ENTPD1: variants seen among roughly 807,000 people sequenced by gnomAD.
The protein encoded by ENTPD1 is ectonucleoside triphosphate diphosphohydrolase 1.
A neutral mutation model predicts 57.0 loss-of-function variants in ENTPD1; 33 were observed. That is an observed-to-expected ratio of 0.58 (90% CI 0.44 to 0.77). The LOEUF is 0.77. Among genes scored for constraint, ENTPD1 ranks in the 30% least tolerant of loss-of-function variants. The pLI, the probability that ENTPD1 is intolerant of heterozygous loss-of-function variation, is 0.00. For missense variants in ENTPD1, 501 were observed against 603.4 expected (o/e 0.83, Z 1.78); for synonymous variants, 202 against 218.8 (o/e 0.92, Z 0.68).
At chr10:95,785,291 C>G (rs986117964) in intron 1 of ENTPD1, 3 of 152,196 alleles carry the variant, frequency 2.0e-5, no homozygotes, top group African/African-American at 7.2e-5. Context: ...TCAGATAAAC[C>G]TACCTTCCAA....
chr10:95,708,967 T>C (rs1203929559), upstream of ENTPD1, among the ~76,000 whole-genome samples: 1 of 152,236 alleles, frequency 6.6e-6, no homozygotes, highest in Non-Finnish European at 1.5e-5. Context: ...AAATTGAGCA[T>C]TTCTTCATTT....
chr10:95,844,407 T>G, intron 4 of ENTPD1, 69 bp from the exon 5 acceptor site: 1 of 1,602,884 alleles, frequency 6.2e-7, no homozygotes, highest in Non-Finnish European at 8.5e-7. Flanking sequence ...GTGGATGCTG[T>G]AGCTGAAATG....
intron 8 of ENTPD1, among the ~76,000 whole-genome samples, chr10:95,863,591 A>C (rs1018604185): frequency 1.3e-5 from 2 of 152,222 alleles, no homozygotes; most frequent in East Asian, 1.9e-4. Flanking sequence ...CATCAGAGCA[A>C]GACAAGGCAG....
chr10:95,733,057 T>C (rs532134959), intron 1 of ENTPD1, among the ~76,000 whole-genome samples: 1 of 152,282 alleles, frequency 6.6e-6, no homozygotes, highest in Non-Finnish European at 1.5e-5. Flanking sequence ...CTCACCGTAA[T>C]AGGCCTGGGA....
Position 95,867,656 on chromosome 10 carries a change from C to T in ENTPD1, c.*1273C>T. 7 of 985,402 alleles carry T rather than the reference C, an allele frequency of 7.1e-6. No individual in the cohort carries two copies. Among genetic ancestry groups the T allele is most frequent in the Non-Finnish European group, 7.2e-6 (6 of 829,950 alleles). The allele number at this position is 985,402 out of a possible 1,614,324, so 61.0% of individuals were successfully genotyped here. On this transcript the variant is annotated 3_prime_UTR_variant, in exon 10 of 10. Coordinates refer to ENST00000371205, the MANE Select transcript of ENTPD1 (RefSeq NM_001776.6). ...GCAGCTATAGACCTTACCATGGAAACATGAAGAGACCCTGCACCCCTTTCC... is the reference window on the plus strand; with the variant it reads ...GCAGCTATAGACCTTACCATGGAAATATGAAGAGACCCTGCACCCCTTTCC...
intron 1 of ENTPD1, among the ~76,000 whole-genome samples, chr10:95,730,770 T>G (rs1261462454): frequency 6.6e-6 from 1 of 152,226 alleles, no homozygotes; most frequent in Non-Finnish European, 1.5e-5. Flanking sequence ...TTTTTAACAG[T>G]GTTGTGTTTA....
At chr10:95,745,667 A>T (rs2098005249) in intron 1 of ENTPD1, among the ~76,000 whole-genome samples, 1 of 152,246 alleles carries the variant, frequency 6.6e-6, no homozygotes, top group Non-Finnish European at 1.5e-5. Context: ...TAGCTAAAAA[A>T]ACTAAGGTAA....
At chr10:95,850,156 T>C (rs2098442429) in intron 7 of ENTPD1, among the ~76,000 whole-genome samples, 1 of 152,192 alleles carries the variant, frequency 6.6e-6, no homozygotes, top group African/African-American at 2.4e-5. Flanking sequence ...GCTTTTCTAT[T>C]TGATCCCTTA....
chr10:95,731,179 G>A (rs527359607), intron 1 of ENTPD1, among the ~76,000 whole-genome samples: 3 of 152,308 alleles, frequency 2.0e-5, no homozygotes, highest in African/African-American at 7.2e-5. Context: ...AATGCCTGAA[G>A]GCTAGTGTGC....
At chr10:95,741,588 A>G (rs1002415358) in intron 1 of ENTPD1, among the ~76,000 whole-genome samples, 1 of 152,210 alleles carries the variant, frequency 6.6e-6, no homozygotes, top group Non-Finnish European at 1.5e-5. Flanking sequence ...AAAAATCGCA[A>G]CGTCTGTGAA....
chr10:95,802,140 A>G (rs1207679335), intron 1 of ENTPD1, among the ~76,000 whole-genome samples: 2 of 152,206 alleles, frequency 1.3e-5, no homozygotes, highest in African/African-American at 4.8e-5. Flanking sequence ...AATCAAATAC[A>G]TTTAAGAAAT....
chr10:95,740,848 T>C (rs569668768), intron 1 of ENTPD1, among the ~76,000 whole-genome samples: 1 of 152,354 alleles, frequency 6.6e-6, no homozygotes, highest in South Asian at 2.1e-4. Flanking sequence ...ACTTTTCTTC[T>C]GCAGCTTTCT....
At chr10:95,727,421 C>T (rs1212104604) in intron 1 of ENTPD1, among the ~76,000 whole-genome samples, 1 of 152,050 alleles carries the variant, frequency 6.6e-6, no homozygotes, top group Non-Finnish European at 1.5e-5. Flanking sequence ...CTAGGAAATC[C>T]CTTTGATAAC....
chr10:95,702,665 AT>A, the ENTPD1 span, among the ~76,000 whole-genome samples: 2 of 152,230 alleles, frequency 1.3e-5, no homozygotes, highest in Non-Finnish European at 2.9e-5. Context: ...CCCAAACAAG[AT>A]AAATTTAAAA....
chr10:95,829,110 T>G (rs1421096031), intron 2 of ENTPD1, among the ~76,000 whole-genome samples: 1 of 152,214 alleles, frequency 6.6e-6, no homozygotes, highest in African/African-American at 2.4e-5. Flanking sequence ...ATCCAAAGAC[T>G]AATGTTCTTT....
At position 95,856,342 on chromosome 10, in the gene ENTPD1, A is replaced by C. The variant is rs565600838; in HGVS notation, c.1075-4127A>C. Among the ~76,000 whole-genome samples the C allele has an allele frequency of 1.4e-4, 21 of 152,280 alleles. No homozygotes were observed. In the South Asian group the frequency reaches 4.4e-3, roughly 32 times the overall value. Reference sequence around the variant, plus strand: ...GGTCATAATTTAAAAATCAAAAAATAATAGATGTTGGCATGGATGTGGTGT... The same window carrying C: ...GGTCATAATTTAAAAATCAAAAAATCATAGATGTTGGCATGGATGTGGTGT... On this transcript the variant is annotated intron_variant, in intron 7 of 9. Transcript: ENST00000371205.
chr10:95,869,982 T>C lies in ENTPD1; in HGVS notation c.*3599T>C. 1.0e-6 allele frequency: 1 copy of C among 985,460 alleles called. No individual in the cohort carries two copies. The highest frequency in any genetic ancestry group is 1.2e-6 in the Non-Finnish European group (1 of 829,928). The allele number at this position is 985,460 out of a possible 1,614,324, so 61.0% of individuals were successfully genotyped here. ...CAAAAAAATACACGTAAAGTTAAAG[T>C]TTAAAAGACACAGGAACTAAGCCCT... On this transcript the variant is annotated 3_prime_UTR_variant, in exon 10 of 10. Coordinates refer to ENST00000371205, the MANE Select transcript of ENTPD1 (RefSeq NM_001776.6).
chr10:95,864,087 T>G (rs1379904837), intron 8 of ENTPD1, among the ~76,000 whole-genome samples: 3 of 152,154 alleles, frequency 2.0e-5, no homozygotes, highest in African/African-American at 7.2e-5. Flanking sequence ...AACAACCACT[T>G]TGCATGACTC....
At chr10:95,717,734 C>T (rs554185828) in intron 1 of ENTPD1, among the ~76,000 whole-genome samples, 29 of 152,172 alleles carry the variant, frequency 1.9e-4, no homozygotes, top group East Asian at 1.2e-3. Flanking sequence ...GGAGGTTGGC[C>T]GACAACCGCT....
Sources: allele counts gnomAD v4.1 joint callset (sites outside exome capture counted in the v4.1 genomes callset), GRCh38; gene constraint gnomAD v4.1.1; transcripts MANE v1.5; gene names NCBI Gene and HGNC (gene_info 2026-07-23, HGNC 2026-07-21).